Variants in PLCB1 observed in about 807,000 individuals in gnomAD.
PLCB1 encodes the protein 1-phosphatidylinositol 4,5-bisphosphate phosphodiesterase beta-1.
A neutral mutation model predicts 161.8 loss-of-function variants in PLCB1; 46 were observed. The ratio of observed to expected loss-of-function variants is 0.28; its 90% CI spans 0.22 to 0.36. PLCB1 has a LOEUF of 0.36. Ranked by LOEUF, PLCB1 falls within the 10% of genes least tolerant of loss-of-function variation. The pLI, the probability that PLCB1 is intolerant of heterozygous loss-of-function variation, is 1.00. For synonymous variants in PLCB1, 517 were observed against 503.7 expected (o/e 1.03, Z -0.35); for missense variants, 1,016 against 1,472.5 (o/e 0.69, Z 5.07).
intron 2 of PLCB1, among the ~76,000 whole-genome samples, chr20:8,261,152 G>C (rs1361252827): frequency 6.6e-6 from 1 of 152,002 alleles, no homozygotes; most frequent in Non-Finnish European, 1.5e-5. Context: ...GTTCTTCTGA[G>C]AGCACTTCCT....
rs1600323269 is a variant in PLCB1, at chr20:8,782,326, T to C, written c.3112-6123T>C. 2.6e-5 allele frequency among the ~76,000 whole-genome samples: 4 copies of C among 152,244 alleles called. 1 individual carries two copies. The highest frequency in any genetic ancestry group is 2.6e-4 in the Admixed American group (4 of 15,278). ...ATACTAGCATAGTACTGGCACATAGTAGGTAAATATTCTTTGAATGAATGG... is the reference window on the plus strand; with the variant it reads ...ATACTAGCATAGTACTGGCACATAGCAGGTAAATATTCTTTGAATGAATGG... On this transcript the variant is annotated intron_variant, in intron 27 of 31. Coordinates refer to ENST00000338037, the MANE Select transcript of PLCB1 (RefSeq NM_015192.4).
chr20:8,573,309 TAATG>T (rs1380155047), intron 3 of PLCB1, among the ~76,000 whole-genome samples: 1 of 152,144 alleles, frequency 6.6e-6, no homozygotes, highest in Non-Finnish European at 1.5e-5. Context: ...ATTCAGGAGA[TAATG>T]AATGGTGAGA....
chr20:8,432,937 C>A (rs1435656259), intron 3 of PLCB1, among the ~76,000 whole-genome samples: 1 of 152,146 alleles, frequency 6.6e-6, no homozygotes, highest in Non-Finnish European at 1.5e-5. Context: ...ATTGTGTGAC[C>A]CCCTCTGGCT....
At chr20:8,845,647 A>G (rs6056204) in intron 31 of PLCB1, among the ~76,000 whole-genome samples, 150,553 of 152,186 alleles carry the variant, frequency 0.99, 74,478 homozygotes, top group Admixed American at 0.99. Context: ...AACTATATCA[A>G]GGGTTTTTTT....
At position 8,723,789 on chromosome 20, in the gene PLCB1, G is replaced by A. The variant is rs140665378; in HGVS notation, c.1582-867G>A. On this transcript the variant is annotated intron_variant, in intron 15 of 31. Coordinates refer to ENST00000338037, the MANE Select transcript of PLCB1 (RefSeq NM_015192.4). Reference sequence around the variant, plus strand: ...TTCGAAATCAGGCAGGCTGGCTCTAGAACGCGAGCCATTAATCCCTGCACT... The same window carrying A: ...TTCGAAATCAGGCAGGCTGGCTCTAAAACGCGAGCCATTAATCCCTGCACT... Among the ~76,000 whole-genome samples, 379 of 152,120 alleles carry A rather than the reference G, an allele frequency of 2.5e-3. 2 individuals are homozygous for A. Among genetic ancestry groups the A allele is most frequent in the African/African-American group, 8.7e-3 (360 of 41,506 alleles).
intron 14 of PLCB1, among the ~76,000 whole-genome samples, chr20:8,722,114 T>A (rs1979673129): frequency 1.3e-5 from 2 of 151,496 alleles, no homozygotes; most frequent in Admixed American, 6.6e-5. Flanking sequence ...CATTTTTTAA[T>A]AGAATTTTGA....
intron 2 of PLCB1, among the ~76,000 whole-genome samples, chr20:8,365,518 GA>G (rs1986679987): frequency 6.6e-6 from 1 of 152,150 alleles, no homozygotes; most frequent in African/African-American, 2.4e-5. Flanking sequence ...AGATTTCTTT[GA>G]GAGGTACATT....
intron 31 of PLCB1, among the ~76,000 whole-genome samples, chr20:8,865,359 C>T (rs6516415): frequency 6.6e-6 from 1 of 151,924 alleles, no homozygotes; most frequent in East Asian, 1.9e-4. Flanking sequence ...AGAGGCCATC[C>T]TTATGGCATA....
At chr20:8,527,128 T>C (rs1292557047) in intron 3 of PLCB1, among the ~76,000 whole-genome samples, 1 of 152,160 alleles carries the variant, frequency 6.6e-6, no homozygotes, top group Non-Finnish European at 1.5e-5. Context: ...TAAGATTTAG[T>C]AAGGTAATTT....
chr20:8,619,054 C>T (rs1988106238), intron 3 of PLCB1, among the ~76,000 whole-genome samples: 1 of 152,086 alleles, frequency 6.6e-6, no homozygotes, highest in Non-Finnish European at 1.5e-5. Flanking sequence ...ATAAATTACC[C>T]ATTTACTTCA....
chr20:8,443,530 C>T (rs1980666073), intron 3 of PLCB1, among the ~76,000 whole-genome samples: 1 of 152,200 alleles, frequency 6.6e-6, no homozygotes, highest in African/African-American at 2.4e-5. Flanking sequence ...GGTGCCCCAA[C>T]TTCACTCCAT....
chr20:8,782,883 T>C (rs921803726), intron 27 of PLCB1, among the ~76,000 whole-genome samples: 1 of 152,216 alleles, frequency 6.6e-6, no homozygotes, highest in African/African-American at 2.4e-5. Context: ...TGTTCCAAGA[T>C]TATCCTTCTT....
chr20:8,541,581 A>AAAGAAAGAAAGAAAGAAAG (rs1985324644), intron 3 of PLCB1, among the ~76,000 whole-genome samples: 1 of 150,936 alleles, frequency 6.6e-6, no homozygotes, highest in African/African-American at 2.4e-5. Context: ...AGAAAGAAAG[A>AAAGAAAGAAAGAAAGAAAG]AAGAAAGAAA....
chr20:8,181,141 C>A (rs1036258179), intron 2 of PLCB1, among the ~76,000 whole-genome samples: 2 of 149,514 alleles, frequency 1.3e-5, no homozygotes, highest in African/African-American at 4.9e-5. Context: ...CCCAGCTACT[C>A]GGGAGGCTGA....
chr20:8,502,162 G>A (rs573655349), intron 3 of PLCB1, among the ~76,000 whole-genome samples: 84 of 151,380 alleles, frequency 5.5e-4, no homozygotes, highest in East Asian at 1.2e-3. Flanking sequence ...ATGCTGTTAC[G>A]CAAACTTAAA....
chr20:8,727,318 A>T lies in PLCB1; in HGVS notation c.1688A>T (p.Lys563Ile). The T allele has an allele frequency of 6.3e-7, 1 of 1,589,706 alleles. No individual in the cohort carries two copies. Among genetic ancestry groups the T allele is most frequent in the Non-Finnish European group, 8.6e-7 (1 of 1,160,616 alleles). ...TTGTTGCTTAACTCAGAAAGAAATA[A>T]AAGTTTTGAAATGTCTTCCTTCGTG... is the stretch of plus-strand genomic sequence containing the variant. ...ESFEISKKRN[K>I]SFEMSSFVET... Residue 563 changes from lysine (K) to isoleucine (I), a missense_variant, in exon 17 of 32, where the codon AAA becomes ATA. By Grantham distance (102) the Lys-to-Ile change is moderately radical. Transcript: ENST00000338037.
intron 3 of PLCB1, among the ~76,000 whole-genome samples, chr20:8,589,714 C>T (rs1225388320): frequency 6.8e-6 from 1 of 148,072 alleles, no homozygotes; most frequent in Non-Finnish European, 1.5e-5. Flanking sequence ...CTTCTGGGCT[C>T]AAGCAATCCT....
At position 8,853,904 on chromosome 20, in the gene PLCB1, C is replaced by T. The variant is rs76891083; in HGVS notation, c.3424-27718C>T. On this transcript the variant is annotated intron_variant, in intron 31 of 31. Transcript: ENST00000338037. The stretch of plus-strand genomic sequence containing the variant: ...GAAGCGCTGTTCTCCCAAGCTCTAA[C>T]CATTTACTCGTAATGGGCATATGGT... Among the ~76,000 whole-genome samples the T allele has an allele frequency of 3.2e-3, 489 of 152,274 alleles. 1 individual carries two copies. Among genetic ancestry groups the T allele is most frequent in the African/African-American group, 0.011 (462 of 41,558 alleles).
chr20:8,237,251 A>G (rs891997773), intron 2 of PLCB1, among the ~76,000 whole-genome samples: 8 of 152,108 alleles, frequency 5.3e-5, no homozygotes, highest in Non-Finnish European at 1.2e-4. Context: ...AATAATCATA[A>G]TATATGTCAA....
Sources: gnomAD v4.1 joint callset for allele counts (sites outside exome capture counted in the v4.1 genomes callset) on GRCh38, gnomAD v4.1.1 for gene constraint, MANE v1.5 for transcripts, NCBI Gene and HGNC (gene_info 2026-07-23, HGNC 2026-07-21) for gene names.